Variants in NBAS observed in about 807,000 individuals in gnomAD.
The protein encoded by NBAS is NAG/BC035112 fusion.
NBAS carries 219 observed loss-of-function variants against 302.5 expected under a neutral mutation model. The ratio of observed to expected loss-of-function variants is 0.72; its 90% CI spans 0.65 to 0.81. NBAS has a LOEUF of 0.81. NBAS is among the 30% of genes least tolerant of loss of function. The pLI is 0.00. For missense variants in NBAS, 2,932 were observed against 2,841.6 expected, an observed-to-expected ratio of 1.03 and a Z score of -0.72; for synonymous variants, 1,118 against 1,021.6, an observed-to-expected ratio of 1.09 and a Z score of -1.80.
At chr2:14,834,155 A>T in the NBAS span, among the ~76,000 whole-genome samples, 1 of 152,184 alleles carries the variant, frequency 6.6e-6, no homozygotes, top group Non-Finnish European at 1.5e-5. Flanking sequence ...TATTGAATAA[A>T]AATAATCAAT....
At chr2:14,843,867 T>G in the NBAS span, among the ~76,000 whole-genome samples, 1 of 151,146 alleles carries the variant, frequency 6.6e-6, no homozygotes. Context: ...ACAAAAGGAG[T>G]ATTTAAATCA....
At chr2:15,059,331 T>C in the NBAS span, among the ~76,000 whole-genome samples, 1 of 152,264 alleles carries the variant, frequency 6.6e-6, no homozygotes, top group Non-Finnish European at 1.5e-5. Context: ...TCCTTGTTGA[T>C]GAAGCAGCTC....
the NBAS span, among the ~76,000 whole-genome samples, chr2:14,798,601 T>C: frequency 6.6e-6 from 1 of 152,294 alleles, no homozygotes; most frequent in African/African-American, 2.4e-5. Flanking sequence ...GAAAGAGTTA[T>C]GAATTATTGC....
Position 15,461,718 on chromosome 2 carries a change from T to C in NBAS, c.2171A>G (p.Asn724Ser). The change falls in exon 20 of 52, where the codon AAT becomes AGT. Residue 724 changes from asparagine to serine, a missense_variant. Transcript: ENST00000281513. Reference protein sequence around the residue: ...AEFFKKFRNQNIVLSARTYAQ... With the variant: ...AEFFKKFRNQSIVLSARTYAQ... Reference sequence around the variant, plus strand: ...ATAAGTTCTTGCTGAGAGAACAATATTCTGATTTCTGAATTTCTTAAAGAA... The same window carrying C: ...ATAAGTTCTTGCTGAGAGAACAATACTCTGATTTCTGAATTTCTTAAAGAA... 1 of 1,605,298 alleles carries C rather than the reference T, an allele frequency of 6.2e-7. No individual in the cohort carries two copies. The highest frequency in any genetic ancestry group is 8.5e-7 in the Non-Finnish European group (1 of 1,173,138).
chr2:15,186,883 G>T lies in NBAS; in HGVS notation c.6573-3C>A, dbSNP rs763734782. 1.2e-6 allele frequency: 2 copies of T among 1,613,680 alleles called. No homozygotes were observed. Among genetic ancestry groups the T allele is most frequent in the South Asian group, 1.1e-5 (1 of 91,078 alleles). ...TCACCCATGGATTATTGGTTATGCT[G>T]GTGTTTATGGAGAAAAATACAAGGC... On this transcript the variant is annotated splice_polypyrimidine_tract_variant and splice_region_variant and intron_variant, in intron 49 of 51. Coordinates refer to ENST00000281513, the MANE Select transcript of NBAS (RefSeq NM_015909.4).
chr2:15,157,513 G>A, the NBAS span, among the ~76,000 whole-genome samples: 1 of 152,164 alleles, frequency 6.6e-6, no homozygotes, highest in African/African-American at 2.4e-5. Context: ...CCTGGGCTCT[G>A]CTTATTGGGG....
At chr2:15,063,018 G>A in the NBAS span, among the ~76,000 whole-genome samples, 1 of 152,198 alleles carries the variant, frequency 6.6e-6, no homozygotes, top group East Asian at 1.9e-4. Flanking sequence ...GGATTCAGCT[G>A]TTCCCCACAA....
chr2:15,489,825 A>G (rs1185367169), intron 11 of NBAS, among the ~76,000 whole-genome samples: 1 of 152,234 alleles, frequency 6.6e-6, no homozygotes. Flanking sequence ...CGATACACTC[A>G]GAAGACCTGA....
chr2:15,090,055 G>C, the NBAS span, among the ~76,000 whole-genome samples: 1 of 152,142 alleles, frequency 6.6e-6, no homozygotes, highest in African/African-American at 2.4e-5. Context: ...GCCTGGTCAA[G>C]GTTTTTAAAC....
In NBAS at chr2:15,276,965, G is replaced by A. The variant is rs772290513; in HGVS notation, c.5275C>T (p.Leu1759=). The change falls in exon 43 of 52, where the codon CTG becomes TTG. Residue 1759 remains leucine, a synonymous_variant. Transcript: ENST00000281513. ...TCCAGAAGAGTGAAATAATACTGCA[G>A]CCTTTCGTGATCAAAGCCACCAATA... ...PTIGGFDHER[L]QYYFTLLENC... is the part of the protein sequence containing the mutation. 32 of 1,614,016 alleles carry A rather than the reference G, an allele frequency of 2.0e-5. No homozygotes were observed. The highest frequency in any genetic ancestry group is 2.7e-5 in the Non-Finnish European group (32 of 1,179,960).
chr2:15,347,279 T>C (rs1185226465), intron 35 of NBAS, among the ~76,000 whole-genome samples: 2 of 152,124 alleles, frequency 1.3e-5, no homozygotes, highest in East Asian at 3.8e-4. Context: ...AGACATAATA[T>C]AACAAACAAT....
At chr2:14,971,165 C>T in the NBAS span, among the ~76,000 whole-genome samples, 1 of 152,150 alleles carries the variant, frequency 6.6e-6, no homozygotes, top group African/African-American at 2.4e-5. Context: ...TTTGGTTCAA[C>T]CCATTCATAC....
chr2:15,460,239 T>C (rs1322206100), intron 21 of NBAS, among the ~76,000 whole-genome samples: 1 of 152,222 alleles, frequency 6.6e-6, no homozygotes, highest in African/African-American at 2.4e-5. Flanking sequence ...TACAGTATAC[T>C]ATAGTTAACA....
At position 15,292,683 on chromosome 2, in the gene NBAS, T is replaced by C. The variant is rs1670362964; in HGVS notation, c.4881A>G (p.Ser1627=). The C allele has an allele frequency of 1.9e-6, 3 of 1,614,184 alleles. No individual in the cohort carries two copies. The highest frequency in any genetic ancestry group is 2.5e-6 in the Non-Finnish European group (3 of 1,180,032). ...TGTAGCAGTGTAACTGCTTGGTCAG[T>C]GAAATAAGGTCTTCAGGCCAGGCTT... is the stretch of plus-strand genomic sequence containing the variant. ...EHEAWPEDLI[S]LTKQLHCYNE... is the part of the protein sequence containing the mutation. Residue 1627 remains serine (S), a synonymous_variant, in exon 41 of 52, where the codon TCA becomes TCG. Coordinates refer to ENST00000281513, the MANE Select transcript of NBAS (RefSeq NM_015909.4).
chr2:15,072,736 G>A, the NBAS span, among the ~76,000 whole-genome samples: 5 of 152,128 alleles, frequency 3.3e-5, no homozygotes, highest in African/African-American at 4.8e-5. Flanking sequence ...CCTCATCTGC[G>A]AATAAGTATA....
intron 2 of NBAS, 137 bp downstream of exon 2, chr2:15,558,439 CATAT>C (rs1664745977): frequency 6.2e-6 from 4 of 641,300 alleles, no homozygotes; most frequent in Non-Finnish European, 8.0e-6. Context: ...CATATACATA[CATAT>C]GTGTGTATAT....
intron 32 of NBAS, among the ~76,000 whole-genome samples, chr2:15,363,747 TCTTA>T (rs1424212175): frequency 1.3e-5 from 2 of 152,216 alleles, no homozygotes; most frequent in African/African-American, 2.4e-5. Context: ...CAAACAGTTA[TCTTA>T]AAGTTCAAAG....
At chr2:15,550,364 A>G (rs568284228) in intron 6 of NBAS, among the ~76,000 whole-genome samples, 9 of 152,208 alleles carry the variant, frequency 5.9e-5, no homozygotes, top group Non-Finnish European at 1.3e-4. Context: ...AATCATGTAA[A>G]GCCCTAAATA....
At chr2:15,294,959 C>A (rs753315228) in intron 40 of NBAS, among the ~76,000 whole-genome samples, 20 of 152,190 alleles carry the variant, frequency 1.3e-4, no homozygotes, top group Non-Finnish European at 2.6e-4. Context: ...CCTATCTCTG[C>A]GTATAACTCC....
Sources: allele counts gnomAD v4.1 joint callset (sites outside exome capture counted in the v4.1 genomes callset), GRCh38; gene constraint gnomAD v4.1.1; transcripts MANE v1.5; gene names NCBI Gene and HGNC (gene_info 2026-07-23, HGNC 2026-07-21).